Variants in MAF observed in about 807,000 individuals in gnomAD.
The protein encoded by MAF is MAF bZIP transcription factor.
MAF carries 10 observed loss-of-function variants against 22.0 expected under a neutral mutation model. The ratio of observed to expected loss-of-function variants is 0.45; its 90% CI spans 0.28 to 0.77. The LOEUF is 0.77. MAF is among the 30% of genes least tolerant of loss of function. The pLI is 0.12. For missense variants in MAF, 544 were observed against 548.4 expected, an observed-to-expected ratio of 0.99 and a Z score of 0.08; for synonymous variants, 337 against 255.8, an observed-to-expected ratio of 1.32 and a Z score of -3.03.
chr16:79,469,563 T>G, the MAF span, among the ~76,000 whole-genome samples: 2 of 152,288 alleles, frequency 1.3e-5, no homozygotes, highest in East Asian at 3.9e-4. Context: ...GGTATTTTTA[T>G]ATGCAAGGTC....
chr16:79,285,375 G>A, the MAF span, among the ~76,000 whole-genome samples: 2 of 152,120 alleles, frequency 1.3e-5, no homozygotes, highest in African/African-American at 4.8e-5. Flanking sequence ...CCTAGAATTA[G>A]GGCTTCCTTC....
the MAF span, among the ~76,000 whole-genome samples, chr16:79,435,702 A>G: frequency 2.0e-5 from 3 of 152,170 alleles, no homozygotes; most frequent in Non-Finnish European, 4.4e-5. Context: ...TCCCTACACC[A>G]GGAGTTGATG....
the MAF span, among the ~76,000 whole-genome samples, chr16:79,419,021 A>C: frequency 6.6e-6 from 1 of 152,250 alleles, no homozygotes; most frequent in Non-Finnish European, 1.5e-5. Flanking sequence ...GCTATATCAC[A>C]GACATTTATT....
chr16:79,476,343 A>T, the MAF span, among the ~76,000 whole-genome samples: 1 of 152,358 alleles, frequency 6.6e-6, no homozygotes, highest in South Asian at 2.1e-4. Flanking sequence ...ATATACTGTG[A>T]GATAAATAAA....
At chr16:79,369,232 C>T in the MAF span, among the ~76,000 whole-genome samples, 2 of 152,202 alleles carry the variant, frequency 1.3e-5, no homozygotes, top group Non-Finnish European at 2.9e-5. Flanking sequence ...TTAATAGATC[C>T]ATTAAATGAT....
At chr16:79,578,056 C>G in the MAF span, among the ~76,000 whole-genome samples, 14 of 151,878 alleles carry the variant, frequency 9.2e-5, no homozygotes, top group Non-Finnish European at 1.8e-4. Flanking sequence ...ACTAATGAGC[C>G]CATAATAAAT....
At chr16:79,481,490 C>T in the MAF span, among the ~76,000 whole-genome samples, 8 of 152,078 alleles carry the variant, frequency 5.3e-5, no homozygotes, top group African/African-American at 1.7e-4. Flanking sequence ...ACCCCCTAGA[C>T]GTTACCTCTC....
the MAF span, among the ~76,000 whole-genome samples, chr16:79,499,071 A>C: frequency 9.9e-5 from 15 of 152,206 alleles, no homozygotes; most frequent in Admixed American, 2.0e-4. Flanking sequence ...GAGGATTATC[A>C]ATGAAAGGCA....
chr16:79,229,649 G>T, the MAF span, among the ~76,000 whole-genome samples: 1 of 152,004 alleles, frequency 6.6e-6, no homozygotes, highest in Non-Finnish European at 1.5e-5. Context: ...CTCGTGGCGA[G>T]CAGCACCTGG....
the MAF span, among the ~76,000 whole-genome samples, chr16:79,439,489 T>C: frequency 5.9e-5 from 9 of 152,164 alleles, no homozygotes; most frequent in East Asian, 1.6e-3. Flanking sequence ...CTCAATCTCC[T>C]GACCTCATGA....
the MAF span, among the ~76,000 whole-genome samples, chr16:79,309,239 T>A: frequency 6.6e-6 from 1 of 152,204 alleles, no homozygotes; most frequent in Admixed American, 6.5e-5. Flanking sequence ...ATTCGGAGAC[T>A]GGCCTCATTT....
chr16:79,539,299 T>C, the MAF span, among the ~76,000 whole-genome samples: 1 of 152,072 alleles, frequency 6.6e-6, no homozygotes, highest in African/African-American at 2.4e-5. Flanking sequence ...AGGGCAGGAG[T>C]TTAAACCAGC....
intron 1 of MAF, chr16:79,597,741 C>G (rs988464810): frequency 3.9e-6 from 4 of 1,018,742 alleles, no homozygotes; most frequent in Non-Finnish European, 4.7e-6. Flanking sequence ...CGTCCATTTC[C>G]AAGCCAAAAG....
chr16:79,597,001 A>T (rs1019227084), intron 1 of MAF: 1 of 1,054,248 alleles, frequency 9.5e-7, no homozygotes, highest in Admixed American at 5.4e-5. Flanking sequence ...ACCCCTACAG[A>T]TATAAACAGG....
the MAF span, among the ~76,000 whole-genome samples, chr16:79,509,970 T>C: frequency 1.3e-5 from 2 of 152,164 alleles, no homozygotes; most frequent in African/African-American, 2.4e-5. Flanking sequence ...GCGGAGGGTA[T>C]CCTGAGTTTG....
chr16:79,539,034 C>A, the MAF span, among the ~76,000 whole-genome samples: 7 of 151,902 alleles, frequency 4.6e-5, no homozygotes, highest in East Asian at 1.9e-4. Flanking sequence ...GAAAAATGTT[C>A]AAGAGTAGAC....
At chr16:79,348,737 C>G in the MAF span, among the ~76,000 whole-genome samples, 1 of 152,224 alleles carries the variant, frequency 6.6e-6, no homozygotes, top group South Asian at 2.1e-4. Flanking sequence ...TCACCTCCAT[C>G]TGGAAATGAC....
the MAF span, among the ~76,000 whole-genome samples, chr16:79,304,171 C>T: frequency 3.3e-5 from 5 of 152,146 alleles, no homozygotes; most frequent in Admixed American, 6.5e-5. Context: ...GGAGTCCAGC[C>T]CACTGGGGAG....
Position 79,599,064 on chromosome 16 carries a change from C to T in MAF, c.839G>A (p.Gly280Glu). Reference protein sequence around the residue: ...SVRELNRQLRGVSKEEVIRLK... With the variant: ...SVRELNRQLREVSKEEVIRLK... ...CCGGATCACCTCCTCCTTGCTGACC[C>T]CGCGCAGCTGCCGGTTCAGCTCGCG... is the stretch of plus-strand genomic sequence containing the variant. The change falls in exon 1 of 2, where the codon GGG becomes GAG. Residue 280 changes from glycine to glutamate, a missense_variant. By Grantham distance (98) the Gly-to-Glu change is moderately conservative. Around this residue, in one of 5 missense-constraint regions of MAF, gnomAD observed 342 missense variants for 315.5 expected, o/e 1.08. Transcript: ENST00000326043. The T allele has an allele frequency of 6.2e-7, 1 of 1,611,856 alleles. No homozygotes were observed. The highest frequency in any genetic ancestry group is 8.5e-7 in the Non-Finnish European group (1 of 1,179,866).
Sources: allele counts gnomAD v4.1 joint callset (sites outside exome capture counted in the v4.1 genomes callset), GRCh38; gene constraint gnomAD v4.1.1; regional missense constraint gnomAD v4.1.1; transcripts MANE v1.5; gene names NCBI Gene and HGNC (gene_info 2026-07-23, HGNC 2026-07-21).